The following DOCK1 variants were observed in gnomAD, a reference collection of about 807,000 sequenced individuals.
DOCK1 encodes dedicator of cytokinesis 1, also known as dedicator of cytokinesis protein 1.
In DOCK1, 138 loss-of-function variants were observed where a neutral mutation model predicts 262.7. That is an observed-to-expected ratio of 0.53 (90% CI 0.46 to 0.61). DOCK1 has a LOEUF of 0.61. DOCK1 is among the 20% of genes least tolerant of loss of function. DOCK1 has a pLI of 0.00. For missense variants in DOCK1, 1,908 were observed against 2,370.7 expected, an observed-to-expected ratio of 0.80 and a Z score of 4.05; for synonymous variants, 866 against 867.4, an observed-to-expected ratio of 1.00 and a Z score of 0.03.
intron 27 of DOCK1, among the ~76,000 whole-genome samples, chr10:127,156,647 C>G (rs1360245292): frequency 1.4e-5 from 2 of 145,582 alleles, no homozygotes; most frequent in Non-Finnish European, 3.0e-5. Flanking sequence ...GGGCTCACCA[C>G]AACCTCCGCC....
chr10:127,146,816 G>A (rs1018056102), intron 27 of DOCK1, among the ~76,000 whole-genome samples: 5 of 152,124 alleles, frequency 3.3e-5, no homozygotes, highest in Non-Finnish European at 7.3e-5. Context: ...AGTGGGCTCC[G>A]GACAGGCTGG....
At chr10:127,121,461 G>GTGTGTGTGTGTGTA (rs2133027724) in intron 25 of DOCK1, among the ~76,000 whole-genome samples, 1 of 151,984 alleles carries the variant, frequency 6.6e-6, no homozygotes, top group Admixed American at 6.6e-5. Flanking sequence ...GTATATGTGT[G>GTGTGTGTGTGTGTA]TGTGTGTGTG....
intron 1 of DOCK1, among the ~76,000 whole-genome samples, chr10:126,932,641 G>T (rs1283326718): frequency 4.6e-5 from 7 of 152,136 alleles, no homozygotes; most frequent in Admixed American, 1.3e-4. Context: ...AGGTTCCAGA[G>T]CCCCTGTTGA....
intron 1 of DOCK1, among the ~76,000 whole-genome samples, chr10:126,918,924 G>A (rs757980811): frequency 2.0e-5 from 3 of 150,486 alleles, no homozygotes; most frequent in Non-Finnish European, 4.4e-5. Context: ...GGAGGATTTG[G>A]AGGAGGAGAA....
rs76937626 is a variant in DOCK1, at chr10:127,304,635, T to C, written c.3045-34371T>C. On this transcript the variant is annotated intron_variant, in intron 29 of 51. Coordinates refer to ENST00000623213, the MANE Select transcript of DOCK1 (RefSeq NM_001290223.2). ...GTGTGTTGGCTCATGCCTGTAATCT[T>C]AGCATTTTGGGAGGTGAGGTGAGAG... is the stretch of plus-strand genomic sequence containing the variant. Among the ~76,000 whole-genome samples, 1,216 of 152,252 alleles carry C rather than the reference T, an allele frequency of 8.0e-3. 35 individuals are homozygous for C. The East Asian group carries it at 0.11, about 13-fold the overall frequency.
rs573749707 is a variant in DOCK1 at position 127,415,719 on chromosome 10, A to G, written c.4515+481A>G. Reference sequence around the variant, plus strand: ...ACCCCTCCCTGACCCTTTTTAAAGAAATAACGATTTCCAGCTCTCAACAAA... The same window carrying G: ...ACCCCTCCCTGACCCTTTTTAAAGAGATAACGATTTCCAGCTCTCAACAAA... On this transcript the variant is annotated intron_variant, in intron 44 of 51. Coordinates refer to ENST00000623213, the MANE Select transcript of DOCK1 (RefSeq NM_001290223.2). Among the ~76,000 whole-genome samples the G allele has an allele frequency of 8.5e-5, 13 of 152,314 alleles. No individual in the cohort carries two copies. In the East Asian group the frequency reaches 2.5e-3, roughly 29 times the overall value.
chr10:126,983,052 C>T (rs2039094097), intron 4 of DOCK1, among the ~76,000 whole-genome samples: 1 of 152,224 alleles, frequency 6.6e-6, no homozygotes, highest in Non-Finnish European at 1.5e-5. Context: ...AGTAGAGTCA[C>T]ACCTAACCAG....
At chr10:127,078,896 T>C (rs1160965025) in intron 23 of DOCK1, among the ~76,000 whole-genome samples, 3 of 152,198 alleles carry the variant, frequency 2.0e-5, no homozygotes, top group African/African-American at 7.2e-5. Flanking sequence ...GTTCTCATAC[T>C]TAAAGACAGC....
At chr10:127,356,308 C>T (rs1175674776) in intron 32 of DOCK1, among the ~76,000 whole-genome samples, 1 of 152,188 alleles carries the variant, frequency 6.6e-6, no homozygotes, top group Non-Finnish European at 1.5e-5. Flanking sequence ...ACTCCTGCCT[C>T]CCCGTGAGGC....
chr10:126,998,785 C>T (rs2135128496), intron 8 of DOCK1: 1 of 157,798 alleles, frequency 6.3e-6, no homozygotes, highest in South Asian at 1.9e-4. Context: ...TTCAGTATAA[C>T]TTTCTCTTTG....
At chr10:127,389,990 G>A (rs554039210) in intron 38 of DOCK1, among the ~76,000 whole-genome samples, 1 of 143,406 alleles carries the variant, frequency 7.0e-6, no homozygotes, top group South Asian at 2.4e-4. Flanking sequence ...CTCCAGCCTG[G>A]GCGACAGGAA....
chr10:127,444,588 A>G (rs1361043598), intron 50 of DOCK1, among the ~76,000 whole-genome samples: 2 of 152,186 alleles, frequency 1.3e-5, no homozygotes, highest in East Asian at 3.9e-4. Context: ...CCCAGGACGC[A>G]GAGCTGCAGG....
At chr10:127,418,336 T>A (rs2068283192) in intron 44 of DOCK1, 29 bp from the exon 45 acceptor site, 1 of 1,577,906 alleles carries the variant, frequency 6.3e-7, no homozygotes. Context: ...GCTGTGGGGC[T>A]GACATCGGGC....
At chr10:127,229,197 C>T (rs1025848401) in intron 27 of DOCK1, among the ~76,000 whole-genome samples, 6 of 152,316 alleles carry the variant, frequency 3.9e-5, no homozygotes, top group Middle Eastern at 3.4e-3. Flanking sequence ...GCACTCCAGC[C>T]TGGGTGACAG....
intron 19 of DOCK1, among the ~76,000 whole-genome samples, chr10:127,041,646 A>G (rs944986901): frequency 3.9e-5 from 6 of 152,224 alleles, no homozygotes; most frequent in African/African-American, 1.2e-4. Context: ...ACAGTTTTTC[A>G]TAGCAATTGC....
chr10:126,962,823 G>T (rs981545564), intron 1 of DOCK1, among the ~76,000 whole-genome samples: 6,761 of 152,192 alleles, frequency 0.044, 193 homozygotes, highest in Middle Eastern at 0.11. Context: ...TCATGAAGTT[G>T]TTCCTCTGTG....
At chr10:127,123,985 C>T (rs1211676142) in intron 25 of DOCK1, among the ~76,000 whole-genome samples, 1 of 152,218 alleles carries the variant, frequency 6.6e-6, no homozygotes, top group African/African-American at 2.4e-5. Flanking sequence ...AATGGAGTTG[C>T]TCTCACTCCT....
Position 127,039,624 on chromosome 10 carries a change from C to T in DOCK1, c.2010+1808C>T, listed in dbSNP as rs146696607. Among the ~76,000 whole-genome samples, 420 of 152,260 alleles carry T rather than the reference C, an allele frequency of 2.8e-3. 1 individual carries two copies. The highest frequency in any genetic ancestry group is 8.8e-3 in the African/African-American group (366 of 41,554). On this transcript the variant is annotated intron_variant, in intron 19 of 51. Transcript: ENST00000623213. The stretch of plus-strand genomic sequence containing the variant: ...CTCTGCTGGCGTGTCTGACATGCGC[C>T]GTGAGCCTAGAGAGTGGAACTGACT...
intron 10 of DOCK1, among the ~76,000 whole-genome samples, chr10:127,002,024 A>G (rs536751400): frequency 6.6e-6 from 1 of 152,262 alleles, no homozygotes; most frequent in Admixed American, 6.5e-5. Flanking sequence ...TAACATTTTC[A>G]TGTCATGACT....
Sources: gnomAD v4.1 joint callset for allele counts (sites outside exome capture counted in the v4.1 genomes callset) on GRCh38, gnomAD v4.1.1 for gene constraint, MANE v1.5 for transcripts, NCBI Gene and HGNC (gene_info 2026-07-23, HGNC 2026-07-21) for gene names.